The following EDIL3 variants were observed in gnomAD, a reference collection of about 807,000 sequenced individuals.
EDIL3 encodes the protein EGF-like repeat and discoidin I-like domain-containing protein 3.
EDIL3 carries 37 observed loss-of-function variants against 67.4 expected under a neutral mutation model. That is an observed-to-expected ratio of 0.55 (90% confidence interval 0.42 to 0.72). The LOEUF (loss-of-function observed/expected upper bound fraction) is 0.72, where lower values mean the gene tolerates loss of function less well. Ranked by LOEUF, EDIL3 falls within the 30% of genes least tolerant of loss-of-function variation. EDIL3 has a pLI of 0.00. For missense variants in EDIL3, 527 were observed against 586.3 expected (o/e 0.90, Z 1.04); for synonymous variants, 195 against 196.3 (o/e 0.99, Z 0.05).
intron 9 of EDIL3, among the ~76,000 whole-genome samples, chr5:83,964,870 G>A (rs929802921): frequency 8.6e-5 from 13 of 151,990 alleles, no homozygotes; most frequent in African/African-American, 3.1e-4. Flanking sequence ...CAGTAATGCA[G>A]GATGGCAAAA....
rs531522419 is a variant in EDIL3, at chr5:84,102,227, G to A, written c.651+4422C>T. 2.0e-5 allele frequency among the ~76,000 whole-genome samples: 3 copies of A among 152,156 alleles called. No individual in the cohort carries two copies. In the East Asian group the frequency reaches 5.8e-4, roughly 29 times the overall value. On this transcript the variant is annotated intron_variant, in intron 6 of 10. Coordinates refer to ENST00000296591, the MANE Select transcript of EDIL3 (RefSeq NM_005711.5). ...CCAACATCATACTAAATGAGCAAAA[G>A]ATGGAAGCATTCCTCTTGAAAACAG... is the stretch of plus-strand genomic sequence containing the variant.
At chr5:84,047,774 A>G (rs1580298076) in intron 9 of EDIL3, 2 of 152,192 alleles carry the variant, frequency 1.3e-5, no homozygotes, top group East Asian at 3.9e-4. Flanking sequence ...CCTCACATCT[A>G]TATTTTGTAC....
chr5:84,233,453 G>C (rs950033148), intron 2 of EDIL3, among the ~76,000 whole-genome samples: 5 of 152,122 alleles, frequency 3.3e-5, no homozygotes, highest in Non-Finnish European at 7.4e-5. Context: ...TAAATTAGTA[G>C]GCTTACAGAA....
chr5:83,992,449 T>A (rs1195697673), intron 9 of EDIL3, among the ~76,000 whole-genome samples: 1 of 152,214 alleles, frequency 6.6e-6, no homozygotes, highest in Non-Finnish European at 1.5e-5. Context: ...ATACATGGCC[T>A]ACTACAATTA....
chr5:84,375,845 T>A (rs1747955601), intron 1 of EDIL3, among the ~76,000 whole-genome samples: 1 of 152,234 alleles, frequency 6.6e-6, no homozygotes, highest in Non-Finnish European at 1.5e-5. Flanking sequence ...CATACTCTTT[T>A]ATTTCTGAAT....
chr5:84,339,329 G>A (rs1039815005), intron 1 of EDIL3, among the ~76,000 whole-genome samples: 1 of 152,116 alleles, frequency 6.6e-6, no homozygotes, highest in African/African-American at 2.4e-5. Context: ...TGGACACACA[G>A]TGTGCAAAAT....
chr5:84,074,192 T>A (rs1205056450), intron 6 of EDIL3, among the ~76,000 whole-genome samples: 3 of 148,336 alleles, frequency 2.0e-5, no homozygotes, highest in Non-Finnish European at 3.0e-5. Context: ...TATACAAAAA[T>A]TAATTCAAGA....
intron 3 of EDIL3, among the ~76,000 whole-genome samples, chr5:84,208,992 T>G (rs917791740): frequency 2.6e-5 from 4 of 152,104 alleles, no homozygotes; most frequent in African/African-American, 4.8e-5. Context: ...CCAACAATGA[T>G]AGACTGGATT....
chr5:83,993,195 C>T (rs1745180045), intron 9 of EDIL3, among the ~76,000 whole-genome samples: 1 of 152,134 alleles, frequency 6.6e-6, no homozygotes, highest in African/African-American at 2.4e-5. Context: ...TTTATTGAGA[C>T]AGGGTCTTGC....
chr5:84,281,692 T>A (rs16901034), intron 1 of EDIL3, among the ~76,000 whole-genome samples: 1,944 of 152,286 alleles, frequency 0.013, 48 homozygotes, highest in African/African-American at 0.045. Context: ...TCTAATCTAA[T>A]CCTGGCTCTG....
chr5:84,168,207 T>C (rs1049380096), intron 4 of EDIL3, among the ~76,000 whole-genome samples: 1 of 152,160 alleles, frequency 6.6e-6, no homozygotes, highest in African/African-American at 2.4e-5. Context: ...ATGTAAATGA[T>C]GTTCTATTTT....
At chr5:84,266,861 A>C (rs1247174071) in intron 1 of EDIL3, among the ~76,000 whole-genome samples, 5 of 152,158 alleles carry the variant, frequency 3.3e-5, no homozygotes, top group African/African-American at 9.7e-5. Flanking sequence ...ATTTGTTAGT[A>C]TATTTTATCA....
At chr5:84,053,274 C>A (rs966814747) in intron 9 of EDIL3, among the ~76,000 whole-genome samples, 2 of 152,166 alleles carry the variant, frequency 1.3e-5, no homozygotes, top group Non-Finnish European at 2.9e-5. Flanking sequence ...AACAAAGACA[C>A]AACTTACCAG....
intron 1 of EDIL3, among the ~76,000 whole-genome samples, chr5:84,337,644 T>C (rs113364068): frequency 0.012 from 1,890 of 152,232 alleles, 24 homozygotes; most frequent in Middle Eastern, 0.02. Flanking sequence ...TGGCACCATA[T>C]AGGGTTTATT....
intron 1 of EDIL3, among the ~76,000 whole-genome samples, chr5:84,287,969 T>C (rs1010172017): frequency 2.0e-5 from 3 of 152,130 alleles, no homozygotes; most frequent in Admixed American, 6.6e-5. Flanking sequence ...TTAAATACCA[T>C]CCACAGACTG....
At chr5:84,218,841 G>A (rs1000383600) in intron 3 of EDIL3, among the ~76,000 whole-genome samples, 7 of 152,170 alleles carry the variant, frequency 4.6e-5, no homozygotes, top group Non-Finnish European at 8.8e-5. Flanking sequence ...GTGGAAAGGG[G>A]AGGAAAGGGT....
At chr5:83,975,915 G>A (rs1744869711) in intron 9 of EDIL3, among the ~76,000 whole-genome samples, 1 of 151,828 alleles carries the variant, frequency 6.6e-6, no homozygotes, top group African/African-American at 2.4e-5. Context: ...CTGGCTTATT[G>A]TATTAAAAGA....
At chr5:84,127,906 T>TAC (rs1462023195) in intron 5 of EDIL3, among the ~76,000 whole-genome samples, 3 of 152,136 alleles carry the variant, frequency 2.0e-5, no homozygotes, top group Non-Finnish European at 4.4e-5. Flanking sequence ...TTTCCTTAAC[T>TAC]ACAATATGCA....
intron 6 of EDIL3, among the ~76,000 whole-genome samples, chr5:84,098,074 A>G (rs919310961): frequency 4.0e-5 from 6 of 150,784 alleles, no homozygotes; most frequent in Non-Finnish European, 8.9e-5. Context: ...ACATAAAGAA[A>G]TAAAGCTCCA....
Sources: allele counts gnomAD v4.1 joint callset (sites outside exome capture counted in the v4.1 genomes callset), GRCh38; gene constraint gnomAD v4.1.1; transcripts MANE v1.5; gene names NCBI Gene and HGNC (gene_info 2026-07-23, HGNC 2026-07-21).